The following ADAMTS6 variants were observed in gnomAD, a reference collection of about 807,000 sequenced individuals.
ADAMTS6 encodes A disintegrin and metalloproteinase with thrombospondin motifs 6.
ADAMTS6 carries 23 observed loss-of-function variants against 144.3 expected under a neutral mutation model. The ratio of observed to expected loss-of-function variants is 0.16; its 90% confidence interval spans 0.11 to 0.23. The LOEUF (loss-of-function observed/expected upper bound fraction) is 0.23, where lower values mean the gene tolerates loss of function less well. Ranked by LOEUF, ADAMTS6 falls within the 10% of genes least tolerant of loss-of-function variation. The pLI is 1.00. For missense variants in ADAMTS6, 999 were observed against 1,379.6 expected, an observed-to-expected ratio of 0.72 and a Z score of 4.37; for synonymous variants, 444 against 457.5, an observed-to-expected ratio of 0.97 and a Z score of 0.38.
intron 11 of ADAMTS6, among the ~76,000 whole-genome samples, chr5:65,284,367 A>C (rs1282698286): frequency 6.6e-6 from 1 of 152,048 alleles, no homozygotes; most frequent in Non-Finnish European, 1.5e-5. Flanking sequence ...ATTAATTAAT[A>C]TATTAAGAAA....
intron 3 of ADAMTS6, among the ~76,000 whole-genome samples, chr5:65,468,812 A>G (rs1005907538): frequency 6.6e-6 from 1 of 152,226 alleles, no homozygotes; most frequent in Non-Finnish European, 1.5e-5. Flanking sequence ...AATTTCATAA[A>G]GTCACCTACA....
intron 14 of ADAMTS6, among the ~76,000 whole-genome samples, chr5:65,248,287 C>G (rs1759813691): frequency 6.6e-6 from 1 of 152,016 alleles, no homozygotes; most frequent in Non-Finnish European, 1.5e-5. Context: ...CAAATAGTTT[C>G]TGATTTTTTT....
At chr5:65,324,210 A>G (rs1008954287) in intron 9 of ADAMTS6, among the ~76,000 whole-genome samples, 2 of 152,194 alleles carry the variant, frequency 1.3e-5, no homozygotes, top group African/African-American at 2.4e-5. Context: ...CAACTTTTTA[A>G]AGCAAATTGT....
rs145635297 is a variant in ADAMTS6, at chr5:65,239,059, T to C, written c.1933+3045A>G. Among the ~76,000 whole-genome samples the C allele has an allele frequency of 1.5e-3, 225 of 152,144 alleles. 3 individuals carry two copies. The South Asian group carries it at 0.021, about 14-fold the overall frequency. On this transcript the variant is annotated intron_variant, in intron 15 of 24. Coordinates refer to ENST00000381055, the MANE Select transcript of ADAMTS6 (RefSeq NM_197941.4). ...GCATATTCTCACTCATAGGTGGGAA[T>C]TGAACAATGAGAACACTTGGACACA...
chr5:65,157,313 T>C (rs1300856042), intron 24 of ADAMTS6, among the ~76,000 whole-genome samples: 15 of 152,228 alleles, frequency 9.9e-5, no homozygotes. Flanking sequence ...AAAGACTTGC[T>C]TTCAAAATAT....
At chr5:65,360,529 T>C (rs1749729545) in intron 7 of ADAMTS6, among the ~76,000 whole-genome samples, 1 of 152,170 alleles carries the variant, frequency 6.6e-6, no homozygotes, top group African/African-American at 2.4e-5. Context: ...CTATTTTTGT[T>C]TGTTGATTAT....
chr5:65,202,030 T>C (rs1202897079), intron 20 of ADAMTS6, among the ~76,000 whole-genome samples: 1 of 152,236 alleles, frequency 6.6e-6, no homozygotes, highest in African/African-American at 2.4e-5. Context: ...GTGTGATTGT[T>C]GGCCAGACAC....
At chr5:65,449,309 A>T (rs1196652826) in intron 7 of ADAMTS6, among the ~76,000 whole-genome samples, 1 of 152,194 alleles carries the variant, frequency 6.6e-6, no homozygotes, top group African/African-American at 2.4e-5. Flanking sequence ...GATCATTAGC[A>T]GACAAGTTTA....
chr5:65,229,527 G>A (rs903957837), intron 15 of ADAMTS6, among the ~76,000 whole-genome samples: 2 of 152,110 alleles, frequency 1.3e-5, no homozygotes, highest in Admixed American at 1.3e-4. Flanking sequence ...AGGTGAGGGA[G>A]CTATAAGAGA....
intron 15 of ADAMTS6, among the ~76,000 whole-genome samples, chr5:65,240,303 T>C (rs1045680136): frequency 3.9e-5 from 6 of 152,068 alleles, no homozygotes; most frequent in Non-Finnish European, 8.8e-5. Flanking sequence ...GCAATGTAGA[T>C]AGATCTCAAA....
intron 20 of ADAMTS6, chr5:65,210,922 C>G: frequency 3.7e-6 from 1 of 270,382 alleles, no homozygotes; most frequent in African/African-American, 2.2e-5. Context: ...GTGGAACCAT[C>G]CCAAAATGTC....
chr5:65,446,240 T>C (rs1036210587), intron 7 of ADAMTS6, among the ~76,000 whole-genome samples: 8 of 152,192 alleles, frequency 5.3e-5, no homozygotes, highest in African/African-American at 1.9e-4. Context: ...AACCAATATA[T>C]AATCCTGATA....
rs1303766118 is a variant in ADAMTS6, at chr5:65,359,422, G to A, written c.1074-25337C>T. On this transcript the variant is annotated intron_variant, in intron 7 of 24. Transcript: ENST00000381055. ...GACAAAAGATAATAAGTGTTACAGAGGATGTAGAGAAAGGGAGCCCTGCTA... is the reference window on the plus strand; with the variant it reads ...GACAAAAGATAATAAGTGTTACAGAAGATGTAGAGAAAGGGAGCCCTGCTA... 3.9e-5 allele frequency among the ~76,000 whole-genome samples: 6 copies of A among 152,140 alleles called. No individual in the cohort carries two copies. In the East Asian group the frequency reaches 1.2e-3, roughly 29 times the overall value.
At chr5:65,296,554 C>T (rs958701521) in intron 10 of ADAMTS6, among the ~76,000 whole-genome samples, 1 of 152,128 alleles carries the variant, frequency 6.6e-6, no homozygotes, top group Admixed American at 6.6e-5. Flanking sequence ...TTAGATTCTA[C>T]ATTTTTTTAA....
intron 7 of ADAMTS6, among the ~76,000 whole-genome samples, chr5:65,406,915 CGAGAA>C (rs1754566227): frequency 1.3e-5 from 2 of 151,944 alleles, no homozygotes; most frequent in South Asian, 4.2e-4. Flanking sequence ...TGAAATGAAG[CGAGAA>C]GAGAAGTTTA....
chr5:65,202,998 T>C (rs1755836683), intron 20 of ADAMTS6, among the ~76,000 whole-genome samples: 1 of 152,238 alleles, frequency 6.6e-6, no homozygotes, highest in South Asian at 2.1e-4. Flanking sequence ...AACATTTTTT[T>C]CCACCAATTC....
chr5:65,339,975 C>T (rs955985180), intron 7 of ADAMTS6, among the ~76,000 whole-genome samples: 3 of 152,086 alleles, frequency 2.0e-5, no homozygotes, highest in Admixed American at 6.5e-5. Flanking sequence ...CTTCCAAAGA[C>T]TTGGGAAAGA....
chr5:65,429,050 T>TC (rs1469320757), intron 7 of ADAMTS6, among the ~76,000 whole-genome samples: 2 of 152,176 alleles, frequency 1.3e-5, no homozygotes, highest in African/African-American at 4.8e-5. Context: ...CTCTCTGATC[T>TC]CCTCTCTCCT....
At chr5:65,478,122 G>A (rs1054617210) in intron 1 of ADAMTS6, among the ~76,000 whole-genome samples, 3 of 148,714 alleles carry the variant, frequency 2.0e-5, no homozygotes, top group African/African-American at 5.1e-5. Context: ...GCGAGGCTCC[G>A]TCTCAAAAAA....
Sources: allele counts gnomAD v4.1 joint callset (sites outside exome capture counted in the v4.1 genomes callset), GRCh38; gene constraint gnomAD v4.1.1; transcripts MANE v1.5; gene names NCBI Gene and HGNC (gene_info 2026-07-23, HGNC 2026-07-21).